The following CMIP variants were observed in gnomAD, a reference collection of about 807,000 sequenced individuals.
CMIP encodes c-Maf inducing protein.
A neutral mutation model predicts 97.3 loss-of-function variants in CMIP; 13 were observed. That is an observed-to-expected ratio of 0.13 (90% CI 0.09 to 0.21). The LOEUF is 0.21. Ranked by LOEUF, CMIP falls within the 10% of genes least tolerant of loss-of-function variation. The pLI is 1.00. For missense variants in CMIP, 847 were observed against 1,024.9 expected (o/e 0.83, Z 2.37); for synonymous variants, 538 against 436.3 (o/e 1.23, Z -2.91).
At chr16:81,662,656 C>G (rs2092560142) in intron 6 of CMIP, among the ~76,000 whole-genome samples, 1 of 152,202 alleles carries the variant, frequency 6.6e-6, no homozygotes, top group Non-Finnish European at 1.5e-5. Context: ...CAGGGGAGCC[C>G]TGATTTCTCT....
intron 3 of CMIP, among the ~76,000 whole-genome samples, chr16:81,642,998 C>T (rs527925130): frequency 2.0e-5 from 3 of 152,172 alleles, no homozygotes; most frequent in South Asian, 2.1e-4. Context: ...ACCTTGAGGA[C>T]GGTATGCTAA....
intron 1 of CMIP, among the ~76,000 whole-genome samples, chr16:81,553,147 G>A (rs1345485555): frequency 6.6e-6 from 1 of 152,184 alleles, no homozygotes; most frequent in African/African-American, 2.4e-5. Context: ...CAGTCCCACT[G>A]TTTCTCAGTC....
intron 3 of CMIP, among the ~76,000 whole-genome samples, chr16:81,637,307 A>G (rs13338341): frequency 0.02 from 2,997 of 152,278 alleles, 99 homozygotes; most frequent in African/African-American, 0.069. Context: ...TGCTGACCTC[A>G]GGTGATACAC....
At chr16:81,630,013 C>G (rs2092132266) in intron 3 of CMIP, among the ~76,000 whole-genome samples, 3 of 152,214 alleles carry the variant, frequency 2.0e-5, no homozygotes, top group African/African-American at 7.2e-5. Flanking sequence ...TATTTGCTCC[C>G]AAAATAATAC....
At chr16:81,462,522 A>G (rs961019389) in intron 1 of CMIP, among the ~76,000 whole-genome samples, 9 of 152,112 alleles carry the variant, frequency 5.9e-5, no homozygotes, top group African/African-American at 1.4e-4. Context: ...AAAATGTTTC[A>G]TTAAGTAGAA....
At chr16:81,450,613 T>G (rs80327237) in intron 1 of CMIP, among the ~76,000 whole-genome samples, 1 of 152,150 alleles carries the variant, frequency 6.6e-6, no homozygotes, top group Non-Finnish European at 1.5e-5. Flanking sequence ...TACCTAAAAA[T>G]GGGTGGCCTC....
intron 1 of CMIP, among the ~76,000 whole-genome samples, chr16:81,599,975 CT>C (rs1303741896): frequency 6.6e-6 from 1 of 152,026 alleles, no homozygotes; most frequent in Non-Finnish European, 1.5e-5. Context: ...GTCCTTCCTT[CT>C]GTCATCATTA....
intron 3 of CMIP, among the ~76,000 whole-genome samples, chr16:81,643,649 G>A (rs1289918207): frequency 1.3e-5 from 2 of 152,054 alleles, no homozygotes; most frequent in East Asian, 1.9e-4. Context: ...AAAATTAGCC[G>A]GGTGTGGTGG....
chr16:81,531,553 T>G (rs1431698082), intron 1 of CMIP, among the ~76,000 whole-genome samples: 1 of 152,250 alleles, frequency 6.6e-6, no homozygotes, highest in Non-Finnish European at 1.5e-5. Context: ...TGGTTAGTGC[T>G]GACCAAGTAG....
At chr16:81,558,891 C>T (rs1325673833) in intron 1 of CMIP, among the ~76,000 whole-genome samples, 3 of 152,228 alleles carry the variant, frequency 2.0e-5, no homozygotes, top group African/African-American at 7.2e-5. Context: ...GTCACCTCCC[C>T]AACCCCGCCA....
At chr16:81,612,864 G>A (rs982324274) in intron 2 of CMIP, among the ~76,000 whole-genome samples, 1 of 152,186 alleles carries the variant, frequency 6.6e-6, no homozygotes, top group Admixed American at 6.5e-5. Flanking sequence ...AGGTCTGAAT[G>A]GATTCTCCTC....
intron 1 of CMIP, among the ~76,000 whole-genome samples, chr16:81,579,235 G>A (rs2091254815): frequency 6.6e-6 from 1 of 152,220 alleles, no homozygotes; most frequent in Non-Finnish European, 1.5e-5. Context: ...GAAGGGTGGT[G>A]GCGGTCCTTG....
intron 1 of CMIP, among the ~76,000 whole-genome samples, chr16:81,484,696 G>A (rs2089288640): frequency 2.0e-5 from 3 of 152,156 alleles, no homozygotes; most frequent in Admixed American, 2.0e-4. Context: ...CTAAGCGATG[G>A]AAACATTGTG....
intron 19 of CMIP, among the ~76,000 whole-genome samples, chr16:81,706,499 C>T (rs534804833): frequency 3.3e-5 from 5 of 152,320 alleles, no homozygotes; most frequent in African/African-American, 7.2e-5. Context: ...CCCGGGGGGG[C>T]GCGGTCCTCA....
intron 1 of CMIP, among the ~76,000 whole-genome samples, chr16:81,597,558 A>G (rs1473429840): frequency 7.3e-6 from 1 of 137,114 alleles, no homozygotes; most frequent in Non-Finnish European, 1.6e-5. Context: ...GGAGGTGGGA[A>G]GAGCCCTGGA....
At chr16:81,563,666 T>G (rs1327704370) in intron 1 of CMIP, among the ~76,000 whole-genome samples, 2 of 152,238 alleles carry the variant, frequency 1.3e-5, no homozygotes, top group Non-Finnish European at 2.9e-5. Flanking sequence ...TCGGTACGCT[T>G]CTTGCTTGGC....
intron 1 of CMIP, among the ~76,000 whole-genome samples, chr16:81,542,235 C>T (rs1036546335): frequency 2.0e-5 from 3 of 152,106 alleles, no homozygotes; most frequent in African/African-American, 2.4e-5. Context: ...GACTCCTAGG[C>T]GGGGAGCTCT....
intron 1 of CMIP, among the ~76,000 whole-genome samples, chr16:81,462,056 C>T (rs1906930645): frequency 6.6e-6 from 1 of 152,214 alleles, no homozygotes; most frequent in African/African-American, 2.4e-5. Flanking sequence ...TTTTACTTCT[C>T]TTCTGTCATA....
chr16:81,639,363 G>A (rs1454083114), intron 3 of CMIP, among the ~76,000 whole-genome samples: 2 of 152,146 alleles, frequency 1.3e-5, no homozygotes, highest in African/African-American at 2.4e-5. Context: ...ACCACCATCC[G>A]TCTCCAGAAC....
Sources: allele counts gnomAD v4.1 joint callset (sites outside exome capture counted in the v4.1 genomes callset), GRCh38; gene constraint gnomAD v4.1.1; transcripts MANE v1.5; gene names NCBI Gene and HGNC (gene_info 2026-07-23, HGNC 2026-07-21).